ANKS1B: variants seen among roughly 807,000 people sequenced by gnomAD.
ANKS1B encodes the protein ankyrin repeat and sterile alpha motif domain-containing protein 1B.
In ANKS1B, 36 loss-of-function variants were observed where a neutral mutation model predicts 148.3. That is an observed-to-expected ratio of 0.24 (90% confidence interval 0.19 to 0.32). ANKS1B has a LOEUF of 0.32. Among genes scored for constraint, ANKS1B ranks in the 10% least tolerant of loss-of-function variants. The pLI, the probability that ANKS1B is intolerant of heterozygous loss-of-function variation, is 1.00. For missense variants in ANKS1B, 1,157 were observed against 1,542.6 expected, an observed-to-expected ratio of 0.75 and a Z score of 4.19; for synonymous variants, 542 against 560.8, an observed-to-expected ratio of 0.97 and a Z score of 0.47.
At chr12:99,017,907 A>T (rs1360849322) in intron 17 of ANKS1B, among the ~76,000 whole-genome samples, 1 of 152,106 alleles carries the variant, frequency 6.6e-6, no homozygotes, top group African/African-American at 2.4e-5. Flanking sequence ...GTATGTAATC[A>T]CTTGTCTCAC....
Position 99,162,825 on chromosome 12 carries a change from C to T in ANKS1B, c.2420-8430G>A, listed in dbSNP as rs565828635. ...GCCTAATCTCAGCACTCTGGGAGGC[C>T]GAGGCAGGTGGATCACAAGGTCAGG... On this transcript the variant is annotated intron_variant, in intron 14 of 26. Transcript: ENST00000683438. 5.9e-5 allele frequency among the ~76,000 whole-genome samples: 9 copies of T among 152,078 alleles called. No homozygotes were observed. The South Asian group carries it at 1.0e-3, about 18-fold the overall frequency.
At chr12:99,099,226 G>A (rs1180858020) in intron 15 of ANKS1B, among the ~76,000 whole-genome samples, 2 of 152,222 alleles carry the variant, frequency 1.3e-5, no homozygotes, top group South Asian at 2.1e-4. Context: ...CTAACAGGTA[G>A]CAGCATTCCA....
chr12:99,035,996 C>T (rs2099955328), intron 17 of ANKS1B, among the ~76,000 whole-genome samples: 1 of 152,166 alleles, frequency 6.6e-6, no homozygotes, highest in Non-Finnish European at 1.5e-5. Context: ...AGCAGCTCTC[C>T]CATCCTCCCA....
intron 12 of ANKS1B, among the ~76,000 whole-genome samples, chr12:99,353,025 T>A (rs1592916089): frequency 6.6e-6 from 1 of 152,024 alleles, no homozygotes. Context: ...AGGGATGTTA[T>A]CCCCACAAGT....
At chr12:98,913,772 C>T (rs1037829230) in intron 17 of ANKS1B, among the ~76,000 whole-genome samples, 28 of 152,178 alleles carry the variant, frequency 1.8e-4, no homozygotes, top group Middle Eastern at 3.4e-3. Flanking sequence ...CGATGACAGA[C>T]GCGTGCCACT....
At chr12:99,730,209 A>G (rs932293883) in intron 8 of ANKS1B, among the ~76,000 whole-genome samples, 14 of 152,192 alleles carry the variant, frequency 9.2e-5, no homozygotes, top group African/African-American at 3.4e-4. Context: ...TAGTTCCTAC[A>G]TTGTTTGAGA....
intron 9 of ANKS1B, among the ~76,000 whole-genome samples, chr12:99,542,624 C>A (rs1335866055): frequency 6.6e-6 from 1 of 151,920 alleles, no homozygotes; most frequent in Admixed American, 6.6e-5. Flanking sequence ...ATTTTGAAAA[C>A]TTTGAACAAA....
chr12:99,389,554 T>C (rs1250552348), intron 12 of ANKS1B, among the ~76,000 whole-genome samples: 1 of 152,138 alleles, frequency 6.6e-6, no homozygotes, highest in African/African-American at 2.4e-5. Context: ...CACACATATA[T>C]CACACAAATA....
chr12:98,744,444 A>ATGAT lies in ANKS1B; in HGVS notation c.*1291_*1294dup. 1.3e-6 allele frequency: 1 copy of ATGAT among 771,866 alleles called. No individual in the cohort carries two copies. The highest frequency in any genetic ancestry group is 1.6e-6 in the Non-Finnish European group (1 of 634,942). The allele number at this position is 771,866 out of a possible 1,614,324, so 47.8% of individuals were successfully genotyped here. ...AATGAACTTCAAAATGATTCACAAT[A>ATGAT]TGATTGTTAGAACAATATACATTAA... On this transcript the variant is annotated 3_prime_UTR_variant, in exon 27 of 27. Transcript: ENST00000683438.
At chr12:99,936,057 C>T (rs1280870637) in intron 1 of ANKS1B, among the ~76,000 whole-genome samples, 2 of 151,950 alleles carry the variant, frequency 1.3e-5, no homozygotes, top group African/African-American at 4.8e-5. Flanking sequence ...TCAGATTTTG[C>T]GAGACTCACT....
chr12:99,381,496 C>T (rs1218972404), intron 12 of ANKS1B, among the ~76,000 whole-genome samples: 7 of 152,100 alleles, frequency 4.6e-5, no homozygotes, highest in African/African-American at 1.4e-4. Context: ...GAGGTGCTCA[C>T]AAAGGGAGAC....
chr12:98,875,599 CTT>C (rs1200510766), intron 17 of ANKS1B, among the ~76,000 whole-genome samples: 1 of 152,120 alleles, frequency 6.6e-6, no homozygotes, highest in Non-Finnish European at 1.5e-5. Context: ...TCTTTCCACT[CTT>C]GTTTCTTTAG....
At chr12:99,621,461 G>GAAAAAAAAAAAA (rs199847091) in intron 9 of ANKS1B, among the ~76,000 whole-genome samples, 1 of 112,780 alleles carries the variant, frequency 8.9e-6, no homozygotes, top group Non-Finnish European at 1.9e-5. Context: ...AGGCAAATTG[G>GAAAAAAAAAAAA]AAAAAAAAAA....
chr12:99,169,915 G>A lies in ANKS1B; in HGVS notation c.2420-15520C>T, dbSNP rs2077571854. Reference sequence around the variant, plus strand: ...GCCGCTTCTGTGTTCCAGGTGCACAGGATGGGAAACTTGTCCTTTTGCAGG... The same window carrying A: ...GCCGCTTCTGTGTTCCAGGTGCACAAGATGGGAAACTTGTCCTTTTGCAGG... On this transcript the variant is annotated intron_variant, in intron 14 of 26. Transcript: ENST00000683438. 3.9e-5 allele frequency among the ~76,000 whole-genome samples: 6 copies of A among 152,140 alleles called. No individual in the cohort carries two copies. The South Asian group carries it at 1.2e-3, about 31-fold the overall frequency.
At chr12:99,889,926 T>C (rs1475343718) in intron 1 of ANKS1B, among the ~76,000 whole-genome samples, 1 of 152,120 alleles carries the variant, frequency 6.6e-6, no homozygotes, top group African/African-American at 2.4e-5. Context: ...GTGGGCCCAT[T>C]CATCTAGCAG....
chr12:99,241,564 T>C (rs4505158), intron 14 of ANKS1B, among the ~76,000 whole-genome samples: 125,787 of 152,216 alleles, frequency 0.83, 52,344 homozygotes, highest in East Asian at 1. Flanking sequence ...CAGCATCATC[T>C]TGATACCAAA....
At chr12:99,488,488 G>A (rs1394174060) in intron 10 of ANKS1B, among the ~76,000 whole-genome samples, 1 of 152,064 alleles carries the variant, frequency 6.6e-6, no homozygotes, top group Non-Finnish European at 1.5e-5. Flanking sequence ...TACCAGAAAT[G>A]TTTTTTAACA....
chr12:99,476,455 T>C (rs548858772), intron 10 of ANKS1B, among the ~76,000 whole-genome samples: 1 of 151,936 alleles, frequency 6.6e-6, no homozygotes, highest in East Asian at 1.9e-4. Flanking sequence ...AAATGACAAA[T>C]TGAGAAAGAA....
At chr12:99,602,137 T>A (rs1025944504) in intron 9 of ANKS1B, among the ~76,000 whole-genome samples, 1 of 152,014 alleles carries the variant, frequency 6.6e-6, no homozygotes, top group Non-Finnish European at 1.5e-5. Context: ...TTTTCTTTAG[T>A]TCAACTTATT....
Sources: gnomAD v4.1 joint callset for allele counts (sites outside exome capture counted in the v4.1 genomes callset) on GRCh38, gnomAD v4.1.1 for gene constraint, MANE v1.5 for transcripts, NCBI Gene and HGNC (gene_info 2026-07-23, HGNC 2026-07-21) for gene names.